C1S: variants seen among roughly 807,000 people sequenced by gnomAD.
The protein encoded by C1S is complement C1s, also known as complement C1s subcomponent.
Under a neutral mutation model 54.0 loss-of-function variants are expected in C1S, and 31 were observed. The observed-to-expected ratio is 0.57, with a 90% CI of 0.43 to 0.78. The LOEUF is 0.78. Among genes scored for constraint, C1S ranks in the 30% least tolerant of loss-of-function variants. C1S has a pLI of 0.00. For synonymous variants in C1S, 292 were observed against 303.6 expected, an observed-to-expected ratio of 0.96 and a Z score of 0.40; for missense variants, 727 against 851.8, an observed-to-expected ratio of 0.85 and a Z score of 1.82.
At position 7,065,213 on chromosome 12, in the gene C1S, G is replaced by A; in HGVS notation, c.631G>A (p.Gly211Arg). Residue 211 changes from glycine (G) to arginine (R), a missense_variant, in exon 6 of 12, where the codon GGG (glycine) becomes AGG (arginine). Gly to Arg is a moderately radical substitution (Grantham distance 125). Around this residue, in one of 3 missense-constraint regions of C1S, gnomAD observed 357 missense variants for 365.4 expected, o/e 0.98. Transcript: ENST00000360817. ...RCEYQIRLEK[G>R]FQVVVTLRRE... The stretch of plus-strand genomic sequence containing the variant: ...TGAATACCAGATCCGGTTGGAGAAA[G>A]GGTTCCAAGTGGTGGTGACCTTGCG... 1 of 1,614,096 alleles carries A rather than the reference G, an allele frequency of 6.2e-7. No individual in the cohort carries two copies. Among genetic ancestry groups the A allele is most frequent in the Non-Finnish European group, 8.5e-7 (1 of 1,179,940 alleles).
chr12:7,063,366 A>C (rs960763346), intron 4 of C1S: 23 of 496,584 alleles, frequency 4.6e-5, no homozygotes, highest in African/African-American at 4.4e-4. Context: ...CACAATCGTC[A>C]CTTTAATCCT....
intron 1 of C1S, chr12:7,061,286 T>C (rs1234228783): frequency 1.3e-5 from 2 of 159,320 alleles, no homozygotes; most frequent in African/African-American, 4.8e-5. Flanking sequence ...CTCAGACCGC[T>C]TGTCCCAGGG....
In C1S at chr12:7,066,758, A is replaced by G. The variant is rs782257320; in HGVS notation, c.987+125A>G. On this transcript the variant is annotated intron_variant, in intron 8 of 11. Coordinates refer to ENST00000360817, the MANE Select transcript of C1S (RefSeq NM_001734.5). ...GGTATAACACCTTTCCCATAAACAC[A>G]ACAGCTTAAGATCTGTAGTTCTCCC... 7.5e-5 allele frequency: 55 copies of G among 737,178 alleles called. No individual in the cohort carries two copies. The African/African-American group carries it at 7.7e-4, about 10-fold the overall frequency. 45.7% of individuals were successfully genotyped at this position (737,178 alleles called of 1,614,324 possible).
At position 7,070,383 on chromosome 12, in the gene C1S, T is replaced by A; in HGVS notation, c.1799T>A (p.Val600Glu). The A allele has an allele frequency of 6.2e-7, 1 of 1,614,196 alleles. No homozygotes were observed. The highest frequency in any genetic ancestry group is 2.2e-5 in the East Asian group (1 of 44,886). ...TTAAGAAAATGCAAAGAAGTGAAAG[T>A]GGAGAAACCCACAGCAGATGCAGAG... is the stretch of plus-strand genomic sequence containing the variant. ...APLRKCKEVKVEKPTADAEAY... is the reference protein window; with the variant it reads ...APLRKCKEVKEEKPTADAEAY... Residue 600 changes from valine to glutamate, a missense_variant, in exon 12 of 12, where the codon GTG becomes GAG. Coordinates refer to ENST00000360817, the MANE Select transcript of C1S (RefSeq NM_001734.5). The surrounding 1 kb of genome is among the most constrained non-coding windows in gnomAD (Gnocchi z 4.9).
intron 9 of C1S, 97 bp downstream of exon 9, chr12:7,067,214 A>G: frequency 4.3e-6 from 4 of 922,590 alleles, no homozygotes; most frequent in Admixed American, 1.8e-5. Context: ...CCTCTTAGGC[A>G]TGTGAGGGAG....
Position 7,067,702 on chromosome 12 carries a change from A to G in C1S, c.1126A>G (p.Thr376Ala). 6.2e-7 allele frequency: 1 copy of G among 1,613,926 alleles called. No homozygotes were observed. Among genetic ancestry groups the G allele is most frequent in the Non-Finnish European group, 8.5e-7 (1 of 1,179,802 alleles). ...ENGKVEDPES[T>A]LFGSVIRYTC... ...TGGTAAAGTTGAAGACCCAGAGAGC[A>G]CTTTGTTTGGTTCTGTCATCCGCTA... is the stretch of plus-strand genomic sequence containing the variant. Residue 376 changes from threonine to alanine, a missense_variant, in exon 10 of 12, where the codon ACT becomes GCT. By Grantham distance (58) the Thr-to-Ala change is moderately conservative (BLOSUM62 0). Coordinates refer to ENST00000360817, the MANE Select transcript of C1S (RefSeq NM_001734.5).
At chr12:7,062,286 A>AAAAT in intron 2 of C1S, 189 bp from the exon 3 acceptor site, 2 of 563,168 alleles carry the variant, frequency 3.6e-6, no homozygotes, top group East Asian at 3.1e-5. Flanking sequence ...AAAAAAAAAA[A>AAAAT]GGGCTCTTGT....
rs1437948491 is a variant in C1S at position 7,062,984 on chromosome 12, A to G, written c.308A>G (p.Tyr103Cys). 4.3e-6 allele frequency: 7 copies of G among 1,614,000 alleles called. No homozygotes were observed. In the African/African-American group the frequency reaches 6.7e-5, roughly 15 times the overall value. Residue 103 changes from tyrosine to cysteine, a missense_variant, in exon 4 of 12, where the codon TAC (tyrosine) becomes TGC (cysteine). By Grantham distance (194) the Tyr-to-Cys change is radical. Coordinates refer to ENST00000360817, the MANE Select transcript of C1S (RefSeq NM_001734.5). The part of the protein sequence containing the change: ...SPIVEEFQVP[Y>C]NKLQVIFKSD... ...ATTGTGGAAGAGTTCCAAGTCCCAT[A>G]CAACAAACTCCAGGTGATCTTTAAG... is the stretch of plus-strand genomic sequence containing the variant.
chr12:7,069,691 G>C (rs1043897503), intron 11 of C1S, among the ~76,000 whole-genome samples, 164 bp from the exon 12 acceptor site: 1 of 152,230 alleles, frequency 6.6e-6, no homozygotes, highest in Non-Finnish European at 1.5e-5. Flanking sequence ...TTTAGGTAAG[G>C]CCAGAGTGGG....
rs1565622233 is a variant in C1S, at chr12:7,066,501, A to G, written c.872-17A>G. 1 of 1,471,566 alleles carries G rather than the reference A, an allele frequency of 6.8e-7. No individual in the cohort carries two copies. The highest frequency in any genetic ancestry group is 9.5e-7 in the Non-Finnish European group (1 of 1,049,988). 91.2% of individuals were successfully genotyped at this position (1,471,566 alleles called of 1,614,324 possible). A position where few individuals can be genotyped will look rare whatever the true frequency, so the allele number is the denominator to read the frequency against. ...TTAGTAATTTTTTCCTCCTGTCCCA[A>G]CTTCTGTTCTTTCAAGCAATGCCCT... On this transcript the variant is annotated splice_polypyrimidine_tract_variant and intron_variant, in intron 7 of 11. Coordinates refer to ENST00000360817, the MANE Select transcript of C1S (RefSeq NM_001734.5).
chr12:7,068,818 T>C (rs1194455054), intron 11 of C1S: 4 of 455,662 alleles, frequency 8.8e-6, no homozygotes, highest in African/African-American at 7.8e-5. Context: ...AAACAGGGCC[T>C]GAAAGCTGAG....
At chr12:7,064,633 C>A (rs782105153) in intron 5 of C1S, among the ~76,000 whole-genome samples, 1 of 152,014 alleles carries the variant, frequency 6.6e-6, no homozygotes, top group Non-Finnish European at 1.5e-5. Flanking sequence ...TTTTAGTGCA[C>A]TTGTTACTTG....
In C1S at chr12:7,066,638, A is replaced by AGT. The variant is rs1555162305; in HGVS notation, c.987+6_987+7dup. 2 of 1,543,078 alleles carry AGT rather than the reference A, an allele frequency of 1.3e-6. No homozygotes were observed. Among genetic ancestry groups the AGT allele is most frequent in the South Asian group, 2.2e-5 (2 of 89,690 alleles). On this transcript the variant is annotated splice_donor_region_variant and intron_variant, in intron 8 of 11. Transcript: ENST00000360817. The stretch of plus-strand genomic sequence containing the variant: ...GATGGGTTTGAAGTTGTGGAGGTAA[A>AGT]GTACCACCTTGGCTTCTCCCCAGTC...
At chr12:7,064,782 G>GA (rs1591577373) in intron 5 of C1S, among the ~76,000 whole-genome samples, 1 of 152,156 alleles carries the variant, frequency 6.6e-6, no homozygotes, top group East Asian at 1.9e-4. Context: ...GAAGCCACAA[G>GA]AAGGAGGAAG....
chr12:7,065,413 T>G (rs1162427732), intron 6 of C1S, 114 bp downstream of exon 6: 2 of 797,376 alleles, frequency 2.5e-6, no homozygotes, highest in African/African-American at 3.3e-5. Context: ...TGGAGTGCAG[T>G]GGTGCAATCA....
Position 7,070,462 on chromosome 12 carries a change from T to C in C1S, c.1878T>C (p.Asp626=). Residue 626 remains aspartate, a synonymous_variant, in exon 12 of 12, where the codon GAT becomes GAC. Coordinates refer to ENST00000360817, the MANE Select transcript of C1S (RefSeq NM_001734.5). This position sits in a 1 kb window ranked among gnomAD's most constrained non-coding sequence, Gnocchi z 4.9. Reference sequence around the variant, plus strand: ...GTGCTGGAGGAGAGAAGGGCATGGATAGCTGTAAAGGGGACAGTGGTGGGG... The same window carrying C: ...GTGCTGGAGGAGAGAAGGGCATGGACAGCTGTAAAGGGGACAGTGGTGGGG... ...MICAGGEKGM[D]SCKGDSGGAF... The C allele has an allele frequency of 6.2e-7, 1 of 1,614,198 alleles. No individual in the cohort carries two copies. Among genetic ancestry groups the C allele is most frequent in the Non-Finnish European group, 8.5e-7 (1 of 1,180,036 alleles).
Position 7,070,308 on chromosome 12 carries a change from A to G in C1S, c.1724A>G (p.Lys575Arg). 1 of 1,614,260 alleles carries G rather than the reference A, an allele frequency of 6.2e-7. No individual in the cohort carries two copies. Among genetic ancestry groups the G allele is most frequent in the Non-Finnish European group, 8.5e-7 (1 of 1,180,048 alleles). The change falls in exon 12 of 12, where the codon AAG (lysine) becomes AGG (arginine). Residue 575 changes from lysine (K) to arginine (R), a missense_variant. Physicochemically the swap from Lys to Arg is conservative, Grantham distance 26. Around this residue, in one of 3 missense-constraint regions of C1S, gnomAD observed 360 missense variants for 453.6 expected, o/e 0.79. Coordinates refer to ENST00000360817, the MANE Select transcript of C1S (RefSeq NM_001734.5). This position sits in a 1 kb window ranked among gnomAD's most constrained non-coding sequence, Gnocchi z 4.9. ...ATCTCAGGCTGGGGCCGAACAGAGA[A>G]GAGAGATCGTGCTGTTCGCCTCAAG... ...GLISGWGRTEKRDRAVRLKAA... is the reference protein window; with the variant it reads ...GLISGWGRTERRDRAVRLKAA...
rs146375064 is a variant in C1S, at chr12:7,061,359, G to A, written c.-74-480G>A. On this transcript the variant is annotated intron_variant, in intron 1 of 11. Coordinates refer to ENST00000360817, the MANE Select transcript of C1S (RefSeq NM_001734.5). The stretch of plus-strand genomic sequence containing the variant: ...ATCGGTGGGCGTTGGGAGCATCAGC[G>A]GAGATGCACGCAATGATAAACAGCA... 7.3e-4 allele frequency: 132 copies of A among 181,584 alleles called. 2 individuals carry two copies. The East Asian group carries it at 0.015, about 21-fold the overall frequency. 11.2% of individuals were successfully genotyped at this position (181,584 alleles called of 1,614,324 possible). A position where few individuals can be genotyped will look rare whatever the true frequency, so the allele number is the denominator to read the frequency against.
intron 11 of C1S, chr12:7,068,883 A>G (rs1555162768): frequency 5.8e-5 from 17 of 295,008 alleles, no homozygotes. Flanking sequence ...CCTAGTTATT[A>G]TATTAAAAGT....
Sources: allele counts gnomAD v4.1 joint callset (sites outside exome capture counted in the v4.1 genomes callset), GRCh38; gene constraint gnomAD v4.1.1; regional missense constraint gnomAD v4.1.1; non-coding constraint Gnocchi (gnomAD v3.1); transcripts MANE v1.5; gene names NCBI Gene and HGNC (gene_info 2026-07-23, HGNC 2026-07-21).